Variants in CDH23 observed in about 807,000 individuals in gnomAD.
The protein encoded by CDH23 is cadherin related 23.
A neutral mutation model predicts 317.1 loss-of-function variants in CDH23; 189 were observed. The observed-to-expected ratio is 0.60, with a 90% confidence interval of 0.53 to 0.67. The LOEUF is 0.67. Among genes scored for constraint, CDH23 ranks in the 30% least tolerant of loss-of-function variants. The pLI, the probability that CDH23 is intolerant of heterozygous loss-of-function variation, is 0.00. For missense variants in CDH23, 4,401 were observed against 4,592.4 expected (o/e 0.96, Z 1.20); for synonymous variants, 1,839 against 1,876.8 (o/e 0.98, Z 0.52).
At chr10:71,588,645 C>T (rs531080978) in intron 9 of CDH23, among the ~76,000 whole-genome samples, 58 of 152,268 alleles carry the variant, frequency 3.8e-4, no homozygotes, top group Non-Finnish European at 7.1e-4. Flanking sequence ...TCGTGGCCTT[C>T]CTCCATGTCT....
At chr10:71,708,523 G>A (rs1211659410) in intron 26 of CDH23, among the ~76,000 whole-genome samples, 1 of 152,178 alleles carries the variant, frequency 6.6e-6, no homozygotes, top group Non-Finnish European at 1.5e-5. Flanking sequence ...AGAACTCAAG[G>A]AGACTCAGTA....
At chr10:71,774,049 G>GCACACA (rs754333116) in intron 38 of CDH23, among the ~76,000 whole-genome samples, 223 of 145,572 alleles carry the variant, frequency 1.5e-3, no homozygotes, top group African/African-American at 3.2e-3. Context: ...GCATGCGCGC[G>GCACACA]CGCACACACA....
intron 20 of CDH23, among the ~76,000 whole-genome samples, chr10:71,693,295 TG>T (rs1352086442): frequency 6.6e-6 from 1 of 152,024 alleles, no homozygotes; most frequent in Non-Finnish European, 1.5e-5. Context: ...TTTTTTATTT[TG>T]GGGAGCCAGT....
chr10:71,763,954 C>T (rs12415269), intron 38 of CDH23, among the ~76,000 whole-genome samples: 22,958 of 152,198 alleles, frequency 0.15, 2,061 homozygotes, highest in East Asian at 0.31. Context: ...AAGCCCCAAA[C>T]GGCATGTCTG....
intron 3 of CDH23, among the ~76,000 whole-genome samples, chr10:71,505,346 T>A (rs116447476): frequency 0.017 from 2,519 of 152,314 alleles, 58 homozygotes; most frequent in African/African-American, 0.054. Flanking sequence ...GAATTTTATC[T>A]AGAAAAGAAG....
intron 53 of CDH23, 48 bp from the exon 54 acceptor site, chr10:71,802,850 C>G (rs1841595321): frequency 1.2e-6 from 2 of 1,604,214 alleles, no homozygotes; most frequent in Non-Finnish European, 1.7e-6. Context: ...TCCGCTGAGG[C>G]TGCCCCATCC....
chr10:71,410,158 T>C (rs928602716), intron 1 of CDH23, among the ~76,000 whole-genome samples: 1 of 152,216 alleles, frequency 6.6e-6, no homozygotes, highest in African/African-American at 2.4e-5. Context: ...ATTGGGAGGA[T>C]TAAATGAGTT....
chr10:71,478,279 C>T lies in CDH23; in HGVS notation c.146-31803C>T, dbSNP rs116518245. ...AGCTTCTCACCGTCATCTCTTACCA[C>T]TGTATGGTTGACCCCCTCCCTCCTG... On this transcript the variant is annotated intron_variant, in intron 3 of 69. Coordinates refer to ENST00000224721, the MANE Select transcript of CDH23 (RefSeq NM_022124.6). 3.8e-3 allele frequency among the ~76,000 whole-genome samples: 579 copies of T among 152,374 alleles called. 3 individuals are homozygous for T. Among genetic ancestry groups the T allele is most frequent in the African/African-American group, 0.014 (562 of 41,590 alleles).
In CDH23 at chr10:71,628,509, TTG is replaced by T. The variant is rs546402790; in HGVS notation, c.1134+11118_1134+11119del. Among the ~76,000 whole-genome samples the T allele has an allele frequency of 5.3e-5, 8 of 152,276 alleles. No individual in the cohort carries two copies. The South Asian group carries it at 1.7e-3, about 32-fold the overall frequency. On this transcript the variant is annotated intron_variant, in intron 11 of 69. Coordinates refer to ENST00000224721, the MANE Select transcript of CDH23 (RefSeq NM_022124.6). Reference sequence around the variant, plus strand: ...AAAGTAATTGAGAGTGAGATAATTTTTGTTTTTGAGACAGAGTCTTGCTCTGT... The same window carrying T: ...AAAGTAATTGAGAGTGAGATAATTTTTTTTTGAGACAGAGTCTTGCTCTGT...
chr10:71,734,405 C>G, intron 33 of CDH23, 64 bp downstream of exon 33: 1 of 1,517,434 alleles, frequency 6.6e-7, no homozygotes, highest in Non-Finnish European at 9.0e-7. Flanking sequence ...CACTTCCTAA[C>G]CCATGTCCTC....
At chr10:71,792,201 T>G (rs1010794733) in intron 47 of CDH23, among the ~76,000 whole-genome samples, 2 of 152,180 alleles carry the variant, frequency 1.3e-5, no homozygotes, top group African/African-American at 2.4e-5. Flanking sequence ...ACTTATTCAG[T>G]GTGCAAAAAC....
At position 71,733,821 on chromosome 10, in the gene CDH23, G is replaced by C. The variant is rs1030297956; in HGVS notation, c.4105-419G>C. Among the ~76,000 whole-genome samples, 6 of 152,220 alleles carry C rather than the reference G, an allele frequency of 3.9e-5. No homozygotes were observed. The South Asian group carries it at 8.3e-4, about 21-fold the overall frequency. The stretch of plus-strand genomic sequence containing the variant: ...AATTCCTTCTTTGAAAGTAGGCAAG[G>C]TGTGAATCACTACAACGTGACAGGC... On this transcript the variant is annotated intron_variant, in intron 32 of 69. Coordinates refer to ENST00000224721, the MANE Select transcript of CDH23 (RefSeq NM_022124.6).
intron 60 of CDH23, 59 bp downstream of exon 60, chr10:71,808,066 CTG>C: frequency 6.5e-7 from 1 of 1,547,038 alleles, no homozygotes; most frequent in Non-Finnish European, 8.7e-7. Flanking sequence ...ACTGCATGGA[CTG>C]TCATCTGGGG....
At chr10:71,410,374 C>T (rs1848293782) in intron 1 of CDH23, among the ~76,000 whole-genome samples, 1 of 151,698 alleles carries the variant, frequency 6.6e-6, no homozygotes, top group South Asian at 2.1e-4. Flanking sequence ...TGGAAGATTT[C>T]CAGGACTGGG....
At chr10:71,466,402 G>A (rs1851256113) in intron 3 of CDH23, among the ~76,000 whole-genome samples, 1 of 151,984 alleles carries the variant, frequency 6.6e-6, no homozygotes, top group Non-Finnish European at 1.5e-5. Context: ...TAGTAAGAAT[G>A]TGTACCTGCC....
intron 53 of CDH23, among the ~76,000 whole-genome samples, chr10:71,802,127 G>A (rs1390105270): frequency 6.6e-6 from 1 of 152,196 alleles, no homozygotes; most frequent in Non-Finnish European, 1.5e-5. Context: ...GGCCAACATG[G>A]TGAAAACCCA....
intron 3 of CDH23, among the ~76,000 whole-genome samples, chr10:71,478,771 T>C (rs372851361): frequency 2.0e-5 from 3 of 152,322 alleles, no homozygotes; most frequent in South Asian, 2.1e-4. Context: ...CCAGTGGCTG[T>C]GGAGGAATCT....
At chr10:71,521,549 CT>C (rs1449127469) in intron 6 of CDH23, among the ~76,000 whole-genome samples, 1 of 152,206 alleles carries the variant, frequency 6.6e-6, no homozygotes, top group Non-Finnish European at 1.5e-5. Context: ...GTGCCCTCCC[CT>C]GAGATGCTGC....
chr10:71,805,667 A>C (rs1394663158), intron 55 of CDH23, 139 bp from the exon 56 acceptor site: 1 of 800,342 alleles, frequency 1.2e-6, no homozygotes, highest in Non-Finnish European at 1.9e-6. Flanking sequence ...CCAGCCGAGC[A>C]GGCAGGCGCT....
Sources: allele counts gnomAD v4.1 joint callset (sites outside exome capture counted in the v4.1 genomes callset), GRCh38; gene constraint gnomAD v4.1.1; transcripts MANE v1.5; gene names NCBI Gene and HGNC (gene_info 2026-07-23, HGNC 2026-07-21).